Variants in GALNTL6 observed in about 807,000 individuals in gnomAD.
GALNTL6 encodes the protein polypeptide N-acetylgalactosaminyltransferase-like 6.
Under a neutral mutation model 73.7 loss-of-function variants are expected in GALNTL6, and 46 were observed. The observed-to-expected ratio is 0.62, with a 90% CI of 0.49 to 0.80. The LOEUF (loss-of-function observed/expected upper bound fraction) is 0.80. GALNTL6 is among the 30% of genes least tolerant of loss of function. The pLI is 0.00. For missense variants in GALNTL6, 604 were observed against 755.0 expected (o/e 0.80, Z 2.34); for synonymous variants, 259 against 263.7 (o/e 0.98, Z 0.17).
intron 5 of GALNTL6, among the ~76,000 whole-genome samples, chr4:172,534,168 C>G (rs969577743): frequency 2.0e-5 from 3 of 152,124 alleles, no homozygotes; most frequent in African/African-American, 7.2e-5. Flanking sequence ...CCAATGGGTG[C>G]GAAGCTGGGA....
At chr4:171,875,655 G>A (rs1467065715) in intron 2 of GALNTL6, among the ~76,000 whole-genome samples, 1 of 151,866 alleles carries the variant, frequency 6.6e-6, no homozygotes, top group Admixed American at 6.6e-5. Flanking sequence ...TTCTCAGCAT[G>A]TAGCTAGTGA....
chr4:172,629,800 G>A (rs903597902), intron 5 of GALNTL6, among the ~76,000 whole-genome samples: 11 of 151,982 alleles, frequency 7.2e-5, no homozygotes, highest in African/African-American at 2.7e-4. Context: ...TGTGCACCTG[G>A]GAAATCAAAT....
intron 2 of GALNTL6, among the ~76,000 whole-genome samples, chr4:171,986,249 GTAGA>G (rs911288065): frequency 1.3e-5 from 2 of 151,710 alleles, no homozygotes; most frequent in Admixed American, 6.6e-5. Flanking sequence ...TAGGATTTGG[GTAGA>G]TAAAGGAAAA....
chr4:172,275,083 C>G (rs1738781413), intron 3 of GALNTL6, among the ~76,000 whole-genome samples: 1 of 152,188 alleles, frequency 6.6e-6, no homozygotes, highest in African/African-American at 2.4e-5. Context: ...ATCTATTAAA[C>G]TGAGGAATAT....
intron 3 of GALNTL6, among the ~76,000 whole-genome samples, chr4:172,292,219 C>A (rs1739500752): frequency 1.3e-5 from 2 of 151,696 alleles, no homozygotes; most frequent in South Asian, 2.1e-4. Flanking sequence ...TTGAAGAGAT[C>A]TGACAATGTT....
chr4:171,944,968 T>A (rs1301267308), intron 2 of GALNTL6, among the ~76,000 whole-genome samples: 1 of 151,976 alleles, frequency 6.6e-6, no homozygotes, highest in Admixed American at 6.6e-5. Context: ...TCTTTTTCAA[T>A]CAGAAGTAAA....
At chr4:172,749,953 C>A (rs1315180829) in intron 5 of GALNTL6, among the ~76,000 whole-genome samples, 1 of 152,080 alleles carries the variant, frequency 6.6e-6, no homozygotes, top group Non-Finnish European at 1.5e-5. Context: ...TTATTGCTAT[C>A]CTTCAGAAGA....
chr4:171,982,336 CA>C (rs1232143941), intron 2 of GALNTL6, among the ~76,000 whole-genome samples: 2 of 152,260 alleles, frequency 1.3e-5, no homozygotes, highest in East Asian at 3.9e-4. Flanking sequence ...CTCGCTCTGT[CA>C]CCCAGGCTGG....
intron 2 of GALNTL6, among the ~76,000 whole-genome samples, chr4:172,051,692 G>A (rs1278846055): frequency 6.6e-6 from 1 of 152,038 alleles, no homozygotes; most frequent in East Asian, 1.9e-4. Flanking sequence ...GTTTATATGG[G>A]CACAGGATAG....
At chr4:172,116,449 T>G (rs1732986174) in intron 2 of GALNTL6, among the ~76,000 whole-genome samples, 1 of 152,144 alleles carries the variant, frequency 6.6e-6, no homozygotes, top group South Asian at 2.1e-4. Flanking sequence ...TTATCTATTA[T>G]CCCAAGATGA....
At chr4:172,494,702 G>A (rs1162446524) in intron 5 of GALNTL6, among the ~76,000 whole-genome samples, 1 of 152,194 alleles carries the variant, frequency 6.6e-6, no homozygotes, top group Middle Eastern at 3.2e-3. Context: ...GAGAGCAAAA[G>A]CTGAAGAACT....
chr4:172,129,515 G>A (rs2111014863), intron 2 of GALNTL6, among the ~76,000 whole-genome samples: 1 of 152,150 alleles, frequency 6.6e-6, no homozygotes, highest in East Asian at 1.9e-4. Context: ...AAAATGTTGG[G>A]CGTTTATTCC....
At chr4:171,926,861 G>T (rs1737998857) in intron 2 of GALNTL6, among the ~76,000 whole-genome samples, 1 of 152,050 alleles carries the variant, frequency 6.6e-6, no homozygotes, top group African/African-American at 2.4e-5. Flanking sequence ...CTCTTCGTTA[G>T]TTTTAGCTTT....
intron 5 of GALNTL6, among the ~76,000 whole-genome samples, chr4:172,686,957 T>C (rs1398112629): frequency 6.6e-6 from 1 of 152,192 alleles, no homozygotes; most frequent in Non-Finnish European, 1.5e-5. Flanking sequence ...GTCTAGTTCT[T>C]ACAGCTCTGT....
intron 10 of GALNTL6, among the ~76,000 whole-genome samples, chr4:172,989,342 A>G (rs1267118297): frequency 6.6e-6 from 1 of 152,188 alleles, no homozygotes; most frequent in Non-Finnish European, 1.5e-5. Context: ...CCTCATCTCA[A>G]ATGAGACTTT....
At chr4:172,155,311 A>T (rs532332137) in intron 2 of GALNTL6, among the ~76,000 whole-genome samples, 1 of 152,222 alleles carries the variant, frequency 6.6e-6, no homozygotes, top group African/African-American at 2.4e-5. Flanking sequence ...GTACCCTTTT[A>T]AAATAGGCCC....
At chr4:173,002,467 A>G (rs141785451) in intron 10 of GALNTL6, among the ~76,000 whole-genome samples, 37 of 152,040 alleles carry the variant, frequency 2.4e-4, no homozygotes, top group African/African-American at 8.7e-4. Context: ...GCATATTTAT[A>G]TATGTATATA....
At chr4:173,013,367 A>G (rs1645579107) in intron 11 of GALNTL6, among the ~76,000 whole-genome samples, 1 of 152,146 alleles carries the variant, frequency 6.6e-6, no homozygotes, top group African/African-American at 2.4e-5. Context: ...AGAAACACAC[A>G]TGGCCAGCTG....
In GALNTL6 at chr4:172,221,150, A is replaced by G. The variant is rs574572215; in HGVS notation, c.139-8506A>G. Among the ~76,000 whole-genome samples, 15 of 151,950 alleles carry G rather than the reference A, an allele frequency of 9.9e-5. No homozygotes were observed. In the South Asian group the frequency reaches 2.7e-3, roughly 27 times the overall value. On this transcript the variant is annotated intron_variant, in intron 2 of 12. Transcript: ENST00000506823. ...ACTCTTTCTTGGTTTCTTTGTCACT[A>G]TCACCCTTGTTGTGAAAAAAGATCA...
Sources: gnomAD v4.1 joint callset for allele counts (sites outside exome capture counted in the v4.1 genomes callset) on GRCh38, gnomAD v4.1.1 for gene constraint, MANE v1.5 for transcripts, NCBI Gene and HGNC (gene_info 2026-07-23, HGNC 2026-07-21) for gene names.